The following ZHX3 variants were observed in gnomAD, a reference collection of about 807,000 sequenced individuals.
ZHX3 encodes zinc fingers and homeoboxes 3, also known as zinc fingers and homeoboxes protein 3.
ZHX3 carries 20 observed loss-of-function variants against 64.5 expected under a neutral mutation model. The ratio of observed to expected loss-of-function variants is 0.31; its 90% CI spans 0.22 to 0.45. The LOEUF is 0.45. Among genes scored for constraint, ZHX3 ranks in the 20% least tolerant of loss-of-function variants. The pLI, the probability that ZHX3 is intolerant of heterozygous loss-of-function variation, is 1.00. For missense variants in ZHX3, 1,041 were observed against 1,195.8 expected (o/e 0.87, Z 1.91); for synonymous variants, 423 against 461.6 (o/e 0.92, Z 1.07).
At chr20:41,256,471 C>G (rs763769507) in intron 2 of ZHX3, among the ~76,000 whole-genome samples, 8 of 151,700 alleles carry the variant, frequency 5.3e-5, no homozygotes, top group Non-Finnish European at 1.2e-4. Context: ...AGATTTTTTC[C>G]CCTCATTTTT....
At chr20:41,223,375 A>C (rs1011463793) in intron 2 of ZHX3, among the ~76,000 whole-genome samples, 1 of 152,254 alleles carries the variant, frequency 6.6e-6, no homozygotes, top group East Asian at 1.9e-4. Flanking sequence ...ATCTACTATC[A>C]GCATGGTAAT....
chr20:41,223,967 C>T (rs2040109395), intron 2 of ZHX3, among the ~76,000 whole-genome samples: 2 of 152,162 alleles, frequency 1.3e-5, no homozygotes, highest in East Asian at 3.9e-4. Flanking sequence ...GTGAGCACTT[C>T]ACTTAAAACT....
At chr20:41,227,685 G>A (rs2040357265) in intron 2 of ZHX3, among the ~76,000 whole-genome samples, 1 of 152,146 alleles carries the variant, frequency 6.6e-6, no homozygotes, top group Admixed American at 6.5e-5. Context: ...CTGATGTAAT[G>A]TGTCTGCCAT....
chr20:41,217,804 T>C (rs906504876), intron 2 of ZHX3, among the ~76,000 whole-genome samples: 5 of 152,250 alleles, frequency 3.3e-5, no homozygotes, highest in Admixed American at 1.3e-4. Flanking sequence ...GGAGGTGATA[T>C]GACCAGTCAC....
chr20:41,220,227 T>C lies in ZHX3; in HGVS notation c.-150-15161A>G, dbSNP rs78706459. ...CCGGGGAACTTGGGGTAAGGCCTCA[T>C]AGAGGAGGTTGCTTTTGGATTAGAG... On this transcript the variant is annotated intron_variant, in intron 2 of 3. Coordinates refer to ENST00000683867, the MANE Select transcript of ZHX3 (RefSeq NM_001384317.1). 8.8e-3 allele frequency among the ~76,000 whole-genome samples: 1,347 copies of C among 152,288 alleles called. 19 individuals carry two copies. Among genetic ancestry groups the C allele is most frequent in the Admixed American group, 0.018 (279 of 15,302 alleles).
chr20:41,310,801 ATTTTTTTTT>A lies in ZHX3; in HGVS notation c.-245+6699_-245+6707del, dbSNP rs72312127. ...ATCCCAACCCAGATAGTTAATTCTG[ATTTTTTTTT>A]TTTTTTTTTTTTTTTTTGAGACAGA... On this transcript the variant is annotated intron_variant, in intron 1 of 3. Coordinates refer to ENST00000683867, the MANE Select transcript of ZHX3 (RefSeq NM_001384317.1). Among the ~76,000 whole-genome samples the A allele has an allele frequency of 2.3e-4, 19 of 82,164 alleles. No individual in the cohort carries two copies. The East Asian group carries it at 5.0e-3, about 22-fold the overall frequency. The allele number at this position is 82,164 out of a possible 152,430, so 53.9% of individuals were successfully genotyped here. A position where few individuals can be genotyped will look rare whatever the true frequency, so the allele number is the denominator to read the frequency against.
chr20:41,195,414 C>T lies in ZHX3; in HGVS notation c.2860+6643G>A, dbSNP rs574043265. Among the ~76,000 whole-genome samples, 28 of 152,214 alleles carry T rather than the reference C, an allele frequency of 1.8e-4. No homozygotes were observed. Among genetic ancestry groups the T allele is most frequent in the African/African-American group, 6.7e-4 (28 of 41,536 alleles). Reference sequence around the variant, plus strand: ...TATAGATGCAAGCCACCATGCTCGACTGAGATTTTTTATTTTTTGAGAAGG... The same window carrying T: ...TATAGATGCAAGCCACCATGCTCGATTGAGATTTTTTATTTTTTGAGAAGG... On this transcript the variant is annotated intron_variant, in intron 3 of 3. Transcript: ENST00000683867. The surrounding 1 kb of genome is among the most constrained non-coding windows in gnomAD (Gnocchi z 4.2).
chr20:41,257,031 A>G (rs1600527782), intron 2 of ZHX3, among the ~76,000 whole-genome samples: 1 of 151,850 alleles, frequency 6.6e-6, no homozygotes, highest in Non-Finnish European at 1.5e-5. Context: ...ACATGCATAA[A>G]CCTCTAGCTT....
At chr20:41,220,616 T>C (rs2039870045) in intron 2 of ZHX3, among the ~76,000 whole-genome samples, 1 of 151,982 alleles carries the variant, frequency 6.6e-6, no homozygotes, top group South Asian at 2.1e-4. Context: ...GAATAGGAGG[T>C]GATTCTAGGT....
At chr20:41,244,829 C>T (rs955379361) in intron 2 of ZHX3, among the ~76,000 whole-genome samples, 1 of 152,200 alleles carries the variant, frequency 6.6e-6, no homozygotes, top group Non-Finnish European at 1.5e-5. Flanking sequence ...TCTGTGACTG[C>T]AGTGCCATCC....
intron 1 of ZHX3, among the ~76,000 whole-genome samples, chr20:41,305,421 G>A (rs2044945682): frequency 6.6e-6 from 1 of 152,046 alleles, no homozygotes; most frequent in South Asian, 2.1e-4. Context: ...GATCCCAGGA[G>A]GTAGAAGCTG....
chr20:41,208,422 C>A (rs1363027523), intron 2 of ZHX3, among the ~76,000 whole-genome samples: 1 of 152,174 alleles, frequency 6.6e-6, no homozygotes, highest in Non-Finnish European at 1.5e-5. Context: ...CCCTGATGAA[C>A]ATCGATGCAA....
At chr20:41,260,814 G>A (rs1194371046) in intron 2 of ZHX3, among the ~76,000 whole-genome samples, 1 of 152,194 alleles carries the variant, frequency 6.6e-6, no homozygotes, top group Non-Finnish European at 1.5e-5. Flanking sequence ...GTTTACAGAT[G>A]AGAAAATTGA....
intron 2 of ZHX3, among the ~76,000 whole-genome samples, chr20:41,255,544 G>T (rs1193427786): frequency 6.6e-6 from 1 of 152,078 alleles, no homozygotes; most frequent in Non-Finnish European, 1.5e-5. Flanking sequence ...ATTTTTCTAA[G>T]AAATAAATAC....
In ZHX3 at chr20:41,204,748, T is replaced by A; in HGVS notation, c.169A>T (p.Ser57Cys). 6.2e-7 allele frequency: 1 copy of A among 1,614,154 alleles called. No homozygotes were observed. The highest frequency in any genetic ancestry group is 8.5e-7 in the Non-Finnish European group (1 of 1,180,014). ...AASSEAAQNPSSTDGSTLANG... is the reference protein window; with the variant it reads ...AASSEAAQNPCSTDGSTLANG... ...GCCAGTGTAGAGCCATCAGTACTGC[T>A]GGGGTTCTGTGCTGCCTCACTGCTG... The change falls in exon 3 of 4, where the codon AGC (serine) becomes TGC (cysteine). Residue 57 changes from serine to cysteine, a missense_variant. By Grantham distance (112) the Ser-to-Cys change is moderately radical (BLOSUM62 -1). Around this residue, in one of 4 missense-constraint regions of ZHX3, gnomAD observed 358 missense variants for 369.1 expected, o/e 0.97. Coordinates refer to ENST00000683867, the MANE Select transcript of ZHX3 (RefSeq NM_001384317.1). This position sits in a 1 kb window ranked among gnomAD's most constrained non-coding sequence, Gnocchi z 6.6.
chr20:41,262,979 AT>A (rs1395722060), intron 2 of ZHX3, among the ~76,000 whole-genome samples: 1 of 152,238 alleles, frequency 6.6e-6, no homozygotes, highest in Non-Finnish European at 1.5e-5. Context: ...GCACTAAGAG[AT>A]TTGAAAGATT....
At chr20:41,279,600 C>T (rs2043569303) in intron 1 of ZHX3, among the ~76,000 whole-genome samples, 1 of 152,072 alleles carries the variant, frequency 6.6e-6, no homozygotes, top group Admixed American at 6.6e-5. Context: ...TCTCCCCTCT[C>T]TTAAAATGAC....
At chr20:41,281,483 T>C (rs941020292) in intron 1 of ZHX3, among the ~76,000 whole-genome samples, 11 of 152,160 alleles carry the variant, frequency 7.2e-5, no homozygotes, top group South Asian at 2.1e-4. Flanking sequence ...TGAAGTGCAA[T>C]TGCTAATAAG....
At chr20:41,296,482 C>A (rs2044535178) in intron 1 of ZHX3, among the ~76,000 whole-genome samples, 1 of 152,080 alleles carries the variant, frequency 6.6e-6, no homozygotes, top group African/African-American at 2.4e-5. Flanking sequence ...TACTACTTGC[C>A]CCAAAAGGTG....
Sources: allele counts gnomAD v4.1 joint callset (sites outside exome capture counted in the v4.1 genomes callset), GRCh38; gene constraint gnomAD v4.1.1; regional missense constraint gnomAD v4.1.1; non-coding constraint Gnocchi (gnomAD v3.1); transcripts MANE v1.5; gene names NCBI Gene and HGNC (gene_info 2026-07-23, HGNC 2026-07-21).